PDE11A: variants seen among roughly 807,000 people sequenced by gnomAD.
PDE11A encodes the protein dual 3',5'-cyclic-AMP and -GMP phosphodiesterase 11A.
A neutral mutation model predicts 100.5 loss-of-function variants in PDE11A; 100 were observed. The ratio of observed to expected loss-of-function variants is 1.00; its 90% CI spans 0.85 to 1.18. PDE11A has a LOEUF of 1.18. PDE11A is among the 50% of genes most tolerant of loss of function. The pLI is 0.00. For synonymous variants in PDE11A, 381 were observed against 420.8 expected, an observed-to-expected ratio of 0.91 and a Z score of 1.16; for missense variants, 1,141 against 1,152.6, an observed-to-expected ratio of 0.99 and a Z score of 0.15.
chr2:177,994,395 C>T (rs1574329530), intron 2 of PDE11A, among the ~76,000 whole-genome samples: 1 of 152,144 alleles, frequency 6.6e-6, no homozygotes, highest in Admixed American at 6.6e-5. Context: ...GGATAAACTC[C>T]CTGCCTTTAA....
chr2:177,727,845 G>A, intron 11 of PDE11A, 80 bp from the exon 12 acceptor site: 1 of 1,009,524 alleles, frequency 9.9e-7, no homozygotes, highest in African/African-American at 1.6e-5. Context: ...CCTTATATCT[G>A]AGTAACCCTC....
intron 1 of PDE11A, among the ~76,000 whole-genome samples, chr2:178,034,871 A>T (rs147113100): frequency 0.5 from 76,225 of 151,746 alleles, 19,888 homozygotes; most frequent in East Asian, 0.71. Context: ...ACACATTTAA[A>T]GCAGTGTTGA....
intron 2 of PDE11A, among the ~76,000 whole-genome samples, chr2:177,914,969 G>A (rs901885407): frequency 6.6e-6 from 1 of 152,084 alleles, no homozygotes; most frequent in African/African-American, 2.4e-5. Context: ...TTTGCATGCT[G>A]TTTTAAGGGT....
At chr2:177,805,368 A>G (rs1383342147) in intron 9 of PDE11A, among the ~76,000 whole-genome samples, 1 of 151,948 alleles carries the variant, frequency 6.6e-6, no homozygotes, top group Non-Finnish European at 1.5e-5. Context: ...AAGCTCTTTA[A>G]GGCAGAAATA....
intron 1 of PDE11A, among the ~76,000 whole-genome samples, chr2:178,053,898 G>A (rs1229846523): frequency 6.6e-6 from 1 of 152,182 alleles, no homozygotes; most frequent in Non-Finnish European, 1.5e-5. Flanking sequence ...CATGCTCATG[G>A]ATAGGGAGAA....
At chr2:177,949,991 G>A (rs1191899852) in intron 2 of PDE11A, among the ~76,000 whole-genome samples, 1 of 150,964 alleles carries the variant, frequency 6.6e-6, no homozygotes. Context: ...GCTCTTTGTT[G>A]AGAACATGAT....
chr2:177,923,132 C>A (rs946920567), intron 2 of PDE11A, among the ~76,000 whole-genome samples: 2 of 151,730 alleles, frequency 1.3e-5, no homozygotes, highest in Non-Finnish European at 2.9e-5. Flanking sequence ...TAATGCAGTA[C>A]TTTTATATTA....
At chr2:177,689,683 T>C (rs1300284838) in intron 15 of PDE11A, among the ~76,000 whole-genome samples, 2 of 152,248 alleles carry the variant, frequency 1.3e-5, no homozygotes, top group African/African-American at 4.8e-5. Context: ...AGACTAGCAC[T>C]GATAATACAA....
chr2:178,022,214 G>A (rs2086421622), intron 1 of PDE11A, among the ~76,000 whole-genome samples: 1 of 152,110 alleles, frequency 6.6e-6, no homozygotes, highest in Admixed American at 6.6e-5. Context: ...ATATTTAGGA[G>A]GTAGAATGAA....
chr2:178,068,407 C>T (rs544492609), intron 1 of PDE11A, among the ~76,000 whole-genome samples: 11 of 152,028 alleles, frequency 7.2e-5, no homozygotes, highest in East Asian at 1.9e-4. Flanking sequence ...CAGAATGCCA[C>T]GCTTATCATC....
intron 1 of PDE11A, among the ~76,000 whole-genome samples, chr2:178,055,164 G>T (rs981194787): frequency 3.3e-5 from 5 of 152,130 alleles, no homozygotes; most frequent in African/African-American, 1.2e-4. Context: ...ATACTATGCA[G>T]CCATAAAAAA....
intron 2 of PDE11A, among the ~76,000 whole-genome samples, chr2:178,098,404 G>A (rs891745576): frequency 6.6e-6 from 1 of 152,142 alleles, no homozygotes; most frequent in Non-Finnish European, 1.5e-5. Flanking sequence ...GGTAATTATG[G>A]TTACATGGGG....
At chr2:177,823,475 A>G (rs543470988) in intron 6 of PDE11A, among the ~76,000 whole-genome samples, 119 of 152,302 alleles carry the variant, frequency 7.8e-4, no homozygotes, top group Non-Finnish European at 1.1e-3. Flanking sequence ...CATTCCGCTC[A>G]GCACTTTCTT....
chr2:177,989,855 C>G (rs962319853), intron 2 of PDE11A, among the ~76,000 whole-genome samples: 1 of 151,926 alleles, frequency 6.6e-6, no homozygotes. Flanking sequence ...AACGAAAAAC[C>G]AAAAAACTCC....
chr2:177,896,230 C>T (rs560611253), intron 4 of PDE11A, among the ~76,000 whole-genome samples: 1 of 152,222 alleles, frequency 6.6e-6, no homozygotes, highest in South Asian at 2.1e-4. Flanking sequence ...TACTTTATAC[C>T]ATGAAGATAC....
chr2:177,673,295 C>T (rs3770012), intron 17 of PDE11A, among the ~76,000 whole-genome samples: 96,129 of 152,038 alleles, frequency 0.63, 32,999 homozygotes, highest in Admixed American at 0.75. Flanking sequence ...GCAGTTTGAC[C>T]TTCAGATAAA....
chr2:177,648,993 T>G (rs1450721294), intron 19 of PDE11A, among the ~76,000 whole-genome samples: 1 of 152,126 alleles, frequency 6.6e-6, no homozygotes, highest in African/African-American at 2.4e-5. Flanking sequence ...ACAAATGGCT[T>G]CTAAGTAAAT....
In PDE11A at chr2:177,991,228, G is replaced by A. The variant is rs147209409; in HGVS notation, c.1071+23074C>T. 8.6e-4 allele frequency among the ~76,000 whole-genome samples: 130 copies of A among 150,972 alleles called. 4 individuals are homozygous for A. The East Asian group carries it at 0.021, about 25-fold the overall frequency. ...TAATCCCACCTACTCAGGATTGGGA[G>A]GCTGAGGCAGGAGAATCGCTTGAAC... On this transcript the variant is annotated intron_variant, in intron 2 of 19. Coordinates refer to ENST00000286063, the MANE Select transcript of PDE11A (RefSeq NM_016953.4).
intron 18 of PDE11A, among the ~76,000 whole-genome samples, chr2:177,667,348 C>A (rs758396680): frequency 4.6e-5 from 7 of 152,234 alleles, no homozygotes; most frequent in Non-Finnish European, 1.0e-4. Context: ...AAGATTTATA[C>A]CTATATTTTC....
Sources: gnomAD v4.1 joint callset for allele counts (sites outside exome capture counted in the v4.1 genomes callset) on GRCh38, gnomAD v4.1.1 for gene constraint, MANE v1.5 for transcripts, NCBI Gene and HGNC (gene_info 2026-07-23, HGNC 2026-07-21) for gene names.